The following NRF1 variants were observed in gnomAD, a reference collection of about 807,000 sequenced individuals.
The protein encoded by NRF1 is nuclear respiratory factor 1, also known as alpha palindromic-binding protein.
In NRF1, 5 loss-of-function variants were observed where a neutral mutation model predicts 58.5. The ratio of observed to expected loss-of-function variants is 0.09; its 90% confidence interval spans 0.04 to 0.18. The LOEUF (loss-of-function observed/expected upper bound fraction) is 0.18, where lower values mean the gene tolerates loss of function less well. Among genes scored for constraint, NRF1 ranks in the 10% least tolerant of loss-of-function variants. The pLI, the probability that NRF1 is intolerant of heterozygous loss-of-function variation, is 1.00. For synonymous variants in NRF1, 224 were observed against 246.7 expected, an observed-to-expected ratio of 0.91 and a Z score of 0.86; for missense variants, 288 against 657.7, an observed-to-expected ratio of 0.44 and a Z score of 6.15.
intron 1 of NRF1, among the ~76,000 whole-genome samples, chr7:129,614,988 T>G (rs1584572703): frequency 6.6e-6 from 1 of 152,238 alleles, no homozygotes; most frequent in South Asian, 2.1e-4. Context: ...GCTCCTGTGG[T>G]CTGGGATTAA....
intron 8 of NRF1, among the ~76,000 whole-genome samples, chr7:129,712,940 A>T (rs538990879): frequency 3.4e-4 from 51 of 152,094 alleles, no homozygotes; most frequent in African/African-American, 9.9e-4. Flanking sequence ...CAGTTAGGAG[A>T]TGTGTTAGTT....
At chr7:129,632,288 T>G (rs1233945101) in intron 1 of NRF1, among the ~76,000 whole-genome samples, 2 of 152,056 alleles carry the variant, frequency 1.3e-5, no homozygotes, top group South Asian at 2.1e-4. Flanking sequence ...AAGAATTTTC[T>G]TATTATAATA....
At chr7:129,699,825 G>A (rs564277498) in intron 5 of NRF1, among the ~76,000 whole-genome samples, 1 of 152,094 alleles carries the variant, frequency 6.6e-6, no homozygotes, top group Admixed American at 6.6e-5. Flanking sequence ...CACAGAATTT[G>A]TTTGAGATGA....
chr7:129,623,987 G>T (rs773956025), intron 1 of NRF1, among the ~76,000 whole-genome samples: 2 of 152,198 alleles, frequency 1.3e-5, no homozygotes, highest in Non-Finnish European at 2.9e-5. Flanking sequence ...GAAAGCAAGA[G>T]CTAATTCTCA....
At chr7:129,753,386 G>A (rs370069201) in intron 10 of NRF1, among the ~76,000 whole-genome samples, 11 of 152,244 alleles carry the variant, frequency 7.2e-5, no homozygotes, top group East Asian at 5.8e-4. Context: ...TCTTTCTGCC[G>A]TAGCTAGGCC....
chr7:129,658,891 A>T (rs905242031), intron 2 of NRF1, among the ~76,000 whole-genome samples: 1 of 152,194 alleles, frequency 6.6e-6, no homozygotes, highest in Admixed American at 6.6e-5. Context: ...TATAGCATTT[A>T]CACTGTATTA....
chr7:129,625,546 A>G (rs1348510727), intron 1 of NRF1, among the ~76,000 whole-genome samples: 1 of 151,858 alleles, frequency 6.6e-6, no homozygotes, highest in Non-Finnish European at 1.5e-5. Flanking sequence ...TGTCTCCCCA[A>G]CTGGAGTGCA....
chr7:129,708,220 C>T (rs1257312411), intron 5 of NRF1, among the ~76,000 whole-genome samples: 1 of 152,158 alleles, frequency 6.6e-6, no homozygotes, highest in African/African-American at 2.4e-5. Context: ...AATTGATAAA[C>T]TGCTTTTCTT....
chr7:129,712,674 C>T (rs549329351), intron 8 of NRF1, among the ~76,000 whole-genome samples: 17 of 152,326 alleles, frequency 1.1e-4, no homozygotes, highest in African/African-American at 3.8e-4. Flanking sequence ...TGAATGAACT[C>T]TAGCCTTCCT....
At chr7:129,688,514 G>T (rs922570055) in intron 4 of NRF1, among the ~76,000 whole-genome samples, 2 of 152,148 alleles carry the variant, frequency 1.3e-5, no homozygotes, top group Admixed American at 1.3e-4. Context: ...AAGACCAGAA[G>T]CTAGGTGTAT....
At chr7:129,622,076 C>T (rs563815282) in intron 1 of NRF1, among the ~76,000 whole-genome samples, 28 of 152,050 alleles carry the variant, frequency 1.8e-4, no homozygotes, top group Non-Finnish European at 2.6e-4. Flanking sequence ...CCACCGTGAC[C>T]GGCCGAAATG....
chr7:129,705,899 C>G (rs1262181207), intron 5 of NRF1, among the ~76,000 whole-genome samples: 2 of 152,070 alleles, frequency 1.3e-5, no homozygotes, highest in African/African-American at 4.8e-5. Context: ...TGTGATCATG[C>G]CACTGCACTC....
intron 6 of NRF1, among the ~76,000 whole-genome samples, chr7:129,709,791 C>T (rs1462831363): frequency 7.0e-6 from 1 of 143,528 alleles, no homozygotes; most frequent in Non-Finnish European, 1.5e-5. Flanking sequence ...AGTGCAATGA[C>T]GTGACCTCGG....
At chr7:129,637,613 A>C (rs1335864256) in intron 1 of NRF1, among the ~76,000 whole-genome samples, 1 of 152,208 alleles carries the variant, frequency 6.6e-6, no homozygotes, top group Non-Finnish European at 1.5e-5. Flanking sequence ...TTGTTTGTCC[A>C]CAACCATATT....
intron 1 of NRF1, among the ~76,000 whole-genome samples, chr7:129,630,717 A>G (rs902751150): frequency 2.0e-5 from 3 of 152,206 alleles, no homozygotes; most frequent in African/African-American, 7.2e-5. Flanking sequence ...TTCCTGAATA[A>G]GAAAGAGTCT....
intron 1 of NRF1, among the ~76,000 whole-genome samples, chr7:129,645,659 A>G (rs540672130): frequency 4.9e-4 from 74 of 152,284 alleles, no homozygotes; most frequent in African/African-American, 1.6e-3. Context: ...TCTGTTTGTC[A>G]GTGTTATTTC....
At chr7:129,744,144 T>A in intron 10 of NRF1, 3 of 1,500,468 alleles carry the variant, frequency 2.0e-6, no homozygotes, top group Non-Finnish European at 2.7e-6. Context: ...TTTTTTTTTT[T>A]TTTTTTAACA....
chr7:129,678,606 A>G (rs1413140911), intron 4 of NRF1, among the ~76,000 whole-genome samples: 1 of 152,138 alleles, frequency 6.6e-6, no homozygotes, highest in Non-Finnish European at 1.5e-5. Context: ...GAAGCCCTAC[A>G]ATTAGGATGT....
intron 9 of NRF1, among the ~76,000 whole-genome samples, chr7:129,722,986 A>G (rs970615900): frequency 1.3e-5 from 2 of 152,236 alleles, no homozygotes; most frequent in East Asian, 1.9e-4. Context: ...TCTTCAGACT[A>G]TCACACAGCT....
Sources: gnomAD v4.1 joint callset for allele counts (sites outside exome capture counted in the v4.1 genomes callset) on GRCh38, gnomAD v4.1.1 for gene constraint, MANE v1.5 for transcripts, NCBI Gene and HGNC (gene_info 2026-07-23, HGNC 2026-07-21) for gene names.